The following PRIM2 variants were observed in gnomAD, a reference collection of about 807,000 sequenced individuals.
The protein encoded by PRIM2 is DNA primase large subunit.
In PRIM2, 39 loss-of-function variants were observed where a neutral mutation model predicts 67.3. That is an observed-to-expected ratio of 0.58 (90% confidence interval 0.45 to 0.76). The LOEUF (loss-of-function observed/expected upper bound fraction) is 0.76, where lower values mean the gene tolerates loss of function less well. PRIM2 is among the 30% of genes least tolerant of loss of function. PRIM2 has a pLI of 0.00. For synonymous variants in PRIM2, 143 were observed against 198.7 expected (o/e 0.72, Z 2.36); for missense variants, 398 against 598.7 (o/e 0.66, Z 3.50).
chr6:57,634,150 T>C (rs1288606057), intron 13 of PRIM2, among the ~76,000 whole-genome samples: 1 of 152,220 alleles, frequency 6.6e-6, no homozygotes, highest in African/African-American at 2.4e-5. Context: ...TAACTATGAC[T>C]GTACTGTCCT....
chr6:57,502,500 C>T (rs1473711200), intron 7 of PRIM2, among the ~76,000 whole-genome samples: 2 of 152,114 alleles, frequency 1.3e-5, no homozygotes, highest in African/African-American at 2.4e-5. Context: ...GCTAATGCCG[C>T]GATTTTTTTA....
chr6:57,425,481 C>T (rs1771592704), intron 7 of PRIM2, among the ~76,000 whole-genome samples: 1 of 152,282 alleles, frequency 6.6e-6, no homozygotes, highest in Admixed American at 6.5e-5. Context: ...TCCTAAAGTG[C>T]TGGGATTACA....
At chr6:57,414,073 T>C (rs1771181411) in intron 7 of PRIM2, among the ~76,000 whole-genome samples, 1 of 152,048 alleles carries the variant, frequency 6.6e-6, no homozygotes, top group Non-Finnish European at 1.5e-5. Flanking sequence ...GAAACAAGCG[T>C]TTGGTTAAGT....
the PRIM2 span, among the ~76,000 whole-genome samples, chr6:57,270,354 G>C: frequency 6.0e-3 from 909 of 152,268 alleles, 7 homozygotes; most frequent in South Asian, 0.02. Context: ...CATGTCCCTT[G>C]TAAGTTGGAT....
rs1313428399 is a variant in PRIM2, at chr6:57,538,920, C to A, written c.1020+1295C>A. On this transcript the variant is annotated intron_variant, in intron 10 of 13. Coordinates refer to ENST00000615550, the MANE Select transcript of PRIM2 (RefSeq NM_000947.5). ...TTAACCTTAATTATCCCTTTAGAGG[C>A]CCTATCTCCAATTACAGTTGGATTT... is the stretch of plus-strand genomic sequence containing the variant. 8.5e-3 allele frequency among the ~76,000 whole-genome samples: 1,288 copies of A among 152,302 alleles called. 12 individuals are homozygous for A. Among genetic ancestry groups the A allele is most frequent in the Non-Finnish European group, 0.014 (927 of 68,020 alleles).
rs781221991 is a variant in PRIM2, at chr6:57,330,360, TGTTTTTG to T, written c.459+4316_459+4322del. On this transcript the variant is annotated intron_variant, in intron 5 of 13. Coordinates refer to ENST00000615550, the MANE Select transcript of PRIM2 (RefSeq NM_000947.5). Reference sequence around the variant, plus strand: ...CCTTGCTGAACTTGTTTTTTTTTTTTGTTTTTGTTTTTTTGTTTTTTTGTTTTTTTTT... The same window carrying T: ...CCTTGCTGAACTTGTTTTTTTTTTTTTTTTTTTGTTTTTTTGTTTTTTTTT... Among the ~76,000 whole-genome samples, 445 of 81,980 alleles carry T rather than the reference TGTTTTTG, an allele frequency of 5.4e-3. 1 individual carries two copies. The highest frequency in any genetic ancestry group is 8.8e-3 in the African/African-American group (166 of 18,868). 53.8% of individuals were successfully genotyped at this position (81,980 alleles called of 152,430 possible). A position where few individuals can be genotyped will look rare whatever the true frequency, so the allele number is the denominator to read the frequency against.
chr6:57,269,535 T>A, the PRIM2 span, among the ~76,000 whole-genome samples: 5 of 152,230 alleles, frequency 3.3e-5, no homozygotes, highest in Admixed American at 2.6e-4. Flanking sequence ...TATTAGCCCT[T>A]GGTCAGATGA....
Position 57,542,939 on chromosome 6 carries a change from A to ATTTTTTTTTTTTTTTTTTTTTTTTTT in PRIM2, c.1020+5333_1020+5334insTTTTTTTTTTTTTTTTTTTTTTTTTT, listed in dbSNP as rs1193756482. Among the ~76,000 whole-genome samples the ATTTTTTTTTTTTTTTTTTTTTTTTTT allele has an allele frequency of 4.6e-4, 33 of 71,894 alleles. 8 individuals are homozygous for ATTTTTTTTTTTTTTTTTTTTTTTTTT. Among genetic ancestry groups the ATTTTTTTTTTTTTTTTTTTTTTTTTT allele is most frequent in the South Asian group, 7.9e-4 (2 of 2,534 alleles). The allele number at this position is 71,894 out of a possible 152,430, so 47.2% of individuals were successfully genotyped here. A position where few individuals can be genotyped will look rare whatever the true frequency, so the allele number is the denominator to read the frequency against. On this transcript the variant is annotated intron_variant, in intron 10 of 13. Coordinates refer to ENST00000615550, the MANE Select transcript of PRIM2 (RefSeq NM_000947.5). Reference sequence around the variant, plus strand: ...GTTGGCTTAAAATACTGCTTATAGGATTTTTTTTTTTTTTTTTTTGAGACG... The same window carrying ATTTTTTTTTTTTTTTTTTTTTTTTTT: ...GTTGGCTTAAAATACTGCTTATAGGATTTTTTTTTTTTTTTTTTTTTTTTTTTTTTTTTTTTTTTTTTTTTGAGACG...
At chr6:57,439,235 A>G (rs28735492) in intron 7 of PRIM2, among the ~76,000 whole-genome samples, 2 of 151,948 alleles carry the variant, frequency 1.3e-5, no homozygotes, top group African/African-American at 4.8e-5. Context: ...TATTGTATAG[A>G]AAAACTTAAA....
At chr6:57,319,910 A>G (rs1374661612) in intron 2 of PRIM2, among the ~76,000 whole-genome samples, 4 of 152,130 alleles carry the variant, frequency 2.6e-5, no homozygotes, top group African/African-American at 9.7e-5. Flanking sequence ...CCTCCAGAGA[A>G]TAATTCATCT....
At chr6:57,401,339 G>A (rs530534580) in intron 7 of PRIM2, among the ~76,000 whole-genome samples, 1 of 152,190 alleles carries the variant, frequency 6.6e-6, no homozygotes, top group African/African-American at 2.4e-5. Flanking sequence ...GGGTCTTGAT[G>A]TGAAGCTGAC....
intron 7 of PRIM2, among the ~76,000 whole-genome samples, chr6:57,415,329 T>C (rs1387048907): frequency 6.6e-6 from 1 of 152,100 alleles, no homozygotes; most frequent in Non-Finnish European, 1.5e-5. Context: ...ACTAATAGAG[T>C]GAATATTGCA....
the PRIM2 span, among the ~76,000 whole-genome samples, chr6:57,266,843 G>C: frequency 6.6e-6 from 1 of 151,998 alleles, no homozygotes; most frequent in African/African-American, 2.4e-5. Context: ...TTTGTGGAGT[G>C]GGTATCTTAA....
At chr6:57,578,549 C>T (rs1776003785) in intron 10 of PRIM2, among the ~76,000 whole-genome samples, 1 of 152,082 alleles carries the variant, frequency 6.6e-6, no homozygotes, top group Non-Finnish European at 1.5e-5. Flanking sequence ...GTATTTCATT[C>T]TATGGGTTAT....
chr6:57,376,972 G>A (rs1450684906), intron 5 of PRIM2, among the ~76,000 whole-genome samples: 3 of 152,050 alleles, frequency 2.0e-5, no homozygotes, highest in African/African-American at 7.2e-5. Flanking sequence ...CACCTTCCAG[G>A]TTCAAGCAAT....
chr6:57,377,271 T>C (rs1453323661), intron 5 of PRIM2, among the ~76,000 whole-genome samples: 1 of 152,220 alleles, frequency 6.6e-6, no homozygotes, highest in Non-Finnish European at 1.5e-5. Context: ...CTGGATTTTC[T>C]AAGTATACTA....
At chr6:57,536,757 T>C (rs1471732140) in intron 9 of PRIM2, among the ~76,000 whole-genome samples, 2 of 152,234 alleles carry the variant, frequency 1.3e-5, no homozygotes, top group Non-Finnish European at 2.9e-5. Context: ...GATTCTATTA[T>C]ACTCTTGAAA....
intron 5 of PRIM2, among the ~76,000 whole-genome samples, chr6:57,368,669 G>T (rs1769447443): frequency 6.6e-6 from 1 of 152,098 alleles, no homozygotes; most frequent in Non-Finnish European, 1.5e-5. Context: ...TGTTTTAAGT[G>T]CAGAATGTAC....
At chr6:57,236,510 CA>C in the PRIM2 span, among the ~76,000 whole-genome samples, 4 of 152,022 alleles carry the variant, frequency 2.6e-5, no homozygotes, top group Admixed American at 6.6e-5. Context: ...TAGTGTGCTG[CA>C]CCCATTAACT....
Sources: allele counts gnomAD v4.1 joint callset (sites outside exome capture counted in the v4.1 genomes callset), GRCh38; gene constraint gnomAD v4.1.1; transcripts MANE v1.5; gene names NCBI Gene and HGNC (gene_info 2026-07-23, HGNC 2026-07-21).